Variants in CHCHD3 observed in about 807,000 individuals in gnomAD.
CHCHD3 encodes the protein coiled-coil-helix-coiled-coil-helix domain containing 3.
A neutral mutation model predicts 38.2 loss-of-function variants in CHCHD3; 20 were observed. That is an observed-to-expected ratio of 0.52 (90% CI 0.37 to 0.76). The LOEUF is 0.76. Ranked by LOEUF, CHCHD3 falls within the 30% of genes least tolerant of loss-of-function variation. CHCHD3 has a pLI of 0.00. For synonymous variants in CHCHD3, 82 were observed against 100.0 expected (o/e 0.82, Z 1.07); for missense variants, 245 against 279.2 (o/e 0.88, Z 0.87).
intron 3 of CHCHD3, among the ~76,000 whole-genome samples, chr7:132,983,939 T>A (rs552133882): frequency 6.6e-6 from 1 of 151,096 alleles, no homozygotes; most frequent in Non-Finnish European, 1.5e-5. Context: ...TAATCTTGTA[T>A]TGAAAATACA....
chr7:132,940,893 C>T (rs1810749596), intron 4 of CHCHD3, among the ~76,000 whole-genome samples: 1 of 152,102 alleles, frequency 6.6e-6, no homozygotes, highest in African/African-American at 2.4e-5. Flanking sequence ...CCCGCCCTGT[C>T]AGTTTTCATT....
At chr7:132,985,897 G>A (rs1443952840) in intron 3 of CHCHD3, among the ~76,000 whole-genome samples, 3 of 120,108 alleles carry the variant, frequency 2.5e-5, no homozygotes, top group Non-Finnish European at 5.6e-5. Flanking sequence ...CCCCGTCTGG[G>A]AGGTGTACTC....
At chr7:132,876,339 A>C (rs549944393) in intron 5 of CHCHD3, among the ~76,000 whole-genome samples, 5 of 152,224 alleles carry the variant, frequency 3.3e-5, no homozygotes, top group South Asian at 2.1e-4. Flanking sequence ...CAAAGAAAGT[A>C]AAGTGAGTAA....
chr7:132,890,727 G>C (rs978862722), intron 4 of CHCHD3, among the ~76,000 whole-genome samples: 31 of 152,108 alleles, frequency 2.0e-4, no homozygotes, highest in African/African-American at 7.0e-4. Context: ...GAGATTACTA[G>C]GATTTAGAAA....
chr7:132,840,458 C>G (rs1807912699), intron 5 of CHCHD3, among the ~76,000 whole-genome samples: 1 of 152,210 alleles, frequency 6.6e-6, no homozygotes, highest in South Asian at 2.1e-4. Context: ...ACTGTAATAT[C>G]TGGAGAGAGA....
chr7:132,860,532 T>C (rs4728270), intron 5 of CHCHD3, among the ~76,000 whole-genome samples: 33,046 of 152,090 alleles, frequency 0.22, 3,834 homozygotes, highest in South Asian at 0.26. Context: ...ATTGGCTTCC[T>C]TTCTTCTTTA....
chr7:132,895,610 T>A (rs188772122), intron 4 of CHCHD3, among the ~76,000 whole-genome samples: 186 of 152,354 alleles, frequency 1.2e-3, no homozygotes, highest in East Asian at 4.8e-3. Context: ...GGGAAGGTTT[T>A]TCCTGTGCTG....
At chr7:132,943,557 A>C (rs1436641768) in intron 4 of CHCHD3, among the ~76,000 whole-genome samples, 1 of 152,158 alleles carries the variant, frequency 6.6e-6, no homozygotes, top group Non-Finnish European at 1.5e-5. Context: ...AAATAAACAC[A>C]AGACTGAATT....
intron 6 of CHCHD3, among the ~76,000 whole-genome samples, chr7:132,819,110 G>T (rs1807276432): frequency 6.6e-6 from 1 of 152,176 alleles, no homozygotes; most frequent in Non-Finnish European, 1.5e-5. Flanking sequence ...AGGTGCTTGG[G>T]CAGATCGATA....
chr7:132,855,010 A>T (rs1186688051), intron 5 of CHCHD3, among the ~76,000 whole-genome samples: 1 of 152,222 alleles, frequency 6.6e-6, no homozygotes, highest in East Asian at 1.9e-4. Context: ...GATAAAAACC[A>T]GCCAAGAAGG....
intron 2 of CHCHD3, among the ~76,000 whole-genome samples, chr7:133,061,355 G>A (rs1043244582): frequency 8.6e-5 from 13 of 151,558 alleles, no homozygotes; most frequent in African/African-American, 2.7e-4. Flanking sequence ...ACTGCAAAGC[G>A]TAACATAATA....
intron 1 of CHCHD3, among the ~76,000 whole-genome samples, chr7:133,074,259 A>T (rs1285110750): frequency 1.3e-5 from 2 of 152,184 alleles, no homozygotes; most frequent in Non-Finnish European, 2.9e-5. Flanking sequence ...CTATACCTCA[A>T]CTGTTACTTG....
At chr7:132,882,254 C>T (rs1486492231) in intron 5 of CHCHD3, among the ~76,000 whole-genome samples, 1 of 151,992 alleles carries the variant, frequency 6.6e-6, no homozygotes, top group African/African-American at 2.4e-5. Flanking sequence ...AGGTGAATTG[C>T]CGAACAGCCA....
chr7:132,984,274 G>C (rs1215116891), intron 3 of CHCHD3, among the ~76,000 whole-genome samples: 7 of 151,330 alleles, frequency 4.6e-5, no homozygotes, highest in African/African-American at 1.7e-4. Context: ...TGTGTTGGCC[G>C]GGCTGGTCTC....
intron 6 of CHCHD3, among the ~76,000 whole-genome samples, chr7:132,825,978 T>C (rs938790889): frequency 7.9e-5 from 12 of 152,240 alleles, no homozygotes; most frequent in Non-Finnish European, 1.5e-4. Flanking sequence ...TGAACATGTC[T>C]ACTATAATTG....
chr7:133,015,559 T>C (rs940401333), intron 3 of CHCHD3, among the ~76,000 whole-genome samples: 8 of 152,076 alleles, frequency 5.3e-5, no homozygotes, highest in African/African-American at 1.9e-4. Context: ...AGACCTGTTA[T>C]TTACTAAAGG....
At chr7:132,986,424 G>GAAAAAAAAAAAAAAAAAAAA (rs59151340) in intron 3 of CHCHD3, among the ~76,000 whole-genome samples, 1 of 131,270 alleles carries the variant, frequency 7.6e-6, no homozygotes, top group Non-Finnish European at 1.6e-5. Flanking sequence ...AAAGAAAAAA[G>GAAAAAAAAAAAAAAAAAAAA]AAAAAAAAAA....
chr7:133,075,380 T>C (rs1261038884), intron 1 of CHCHD3, among the ~76,000 whole-genome samples: 1 of 152,216 alleles, frequency 6.6e-6, no homozygotes, highest in African/African-American at 2.4e-5. Context: ...TCAACAACTG[T>C]ATCCTTAGGC....
chr7:132,946,274 A>T (rs1349809837), intron 4 of CHCHD3, among the ~76,000 whole-genome samples: 1 of 151,920 alleles, frequency 6.6e-6, no homozygotes. Context: ...AACAGTGAAA[A>T]ATTCAAAATT....
Sources: allele counts gnomAD v4.1 joint callset (sites outside exome capture counted in the v4.1 genomes callset), GRCh38; gene constraint gnomAD v4.1.1; transcripts MANE v1.5; gene names NCBI Gene and HGNC (gene_info 2026-07-23, HGNC 2026-07-21).